The following DNAH8 variants were observed in gnomAD, a reference collection of about 807,000 sequenced individuals.
DNAH8 encodes the protein dynein axonemal heavy chain 8, also known as axonemal beta dynein heavy chain 8.
DNAH8 carries 382 observed loss-of-function variants against 562.1 expected under a neutral mutation model. The ratio of observed to expected loss-of-function variants is 0.68; its 90% CI spans 0.63 to 0.74. The LOEUF is 0.74. DNAH8 is among the 30% of genes least tolerant of loss of function. The pLI, the probability that DNAH8 is intolerant of heterozygous loss-of-function variation, is 0.00. For synonymous variants in DNAH8, 1,881 were observed against 1,919.4 expected (o/e 0.98, Z 0.52); for missense variants, 5,203 against 5,620.4 (o/e 0.93, Z 2.37).
At chr6:38,717,397 C>G (rs545443159) in intron 1 of DNAH8, among the ~76,000 whole-genome samples, 21 of 152,202 alleles carry the variant, frequency 1.4e-4, no homozygotes, top group African/African-American at 4.8e-4. Flanking sequence ...CATCTTGGCT[C>G]ACTGCAGCCT....
intron 88 of DNAH8, among the ~76,000 whole-genome samples, chr6:38,992,417 A>C (rs1463857606): frequency 6.6e-6 from 1 of 152,174 alleles, no homozygotes; most frequent in Non-Finnish European, 1.5e-5. Context: ...GTATTTGTTG[A>C]CTGATCAGTG....
intron 45 of DNAH8, among the ~76,000 whole-genome samples, chr6:38,864,836 G>A (rs878957511): frequency 3.9e-5 from 6 of 152,158 alleles, no homozygotes; most frequent in Admixed American, 6.5e-5. Flanking sequence ...GAGGCTCAGC[G>A]AGACTTAAAA....
intron 79 of DNAH8, among the ~76,000 whole-genome samples, chr6:38,939,650 G>A (rs1245286687): frequency 6.6e-6 from 1 of 152,208 alleles, no homozygotes; most frequent in African/African-American, 2.4e-5. Context: ...AGTCTAAAAG[G>A]AGGGAAAGAT....
chr6:38,812,622 G>A (rs12192779), intron 24 of DNAH8, among the ~76,000 whole-genome samples: 20,814 of 151,984 alleles, frequency 0.14, 1,923 homozygotes, highest in Non-Finnish European at 0.2. Context: ...ACTTGTATTT[G>A]TTTTGATGCT....
intron 1 of DNAH8, among the ~76,000 whole-genome samples, chr6:38,717,549 T>C (rs1762432150): frequency 6.6e-6 from 1 of 151,696 alleles, no homozygotes; most frequent in Non-Finnish European, 1.5e-5. Context: ...AGTCTCAAAC[T>C]CCTGAGCTTG....
At chr6:38,776,500 G>A (rs1430022141) in intron 13 of DNAH8, among the ~76,000 whole-genome samples, 1 of 152,190 alleles carries the variant, frequency 6.6e-6, no homozygotes, top group Non-Finnish European at 1.5e-5. Context: ...TTACAGGCAT[G>A]AGCCACTGCA....
At chr6:38,875,301 T>C (rs953445711) in intron 52 of DNAH8, among the ~76,000 whole-genome samples, 9 of 152,310 alleles carry the variant, frequency 5.9e-5, no homozygotes, top group Admixed American at 4.6e-4. Context: ...GGCCTTTTGC[T>C]TTCCCAGTAG....
intron 10 of DNAH8, among the ~76,000 whole-genome samples, chr6:38,759,883 GC>G (rs1468823674): frequency 2.0e-5 from 3 of 152,050 alleles, no homozygotes. Flanking sequence ...ATTCCTGCTT[GC>G]CCATGCTGTG....
chr6:38,811,311 G>C (rs1225826000), intron 24 of DNAH8, among the ~76,000 whole-genome samples: 1 of 152,180 alleles, frequency 6.6e-6, no homozygotes, highest in African/African-American at 2.4e-5. Flanking sequence ...GTCCAGATGA[G>C]GTGCCAGGAC....
At chr6:39,016,325 G>C (rs376294204) in intron 91 of DNAH8, among the ~76,000 whole-genome samples, 67 of 152,226 alleles carry the variant, frequency 4.4e-4, no homozygotes, top group African/African-American at 1.5e-3. Context: ...GCCGAGGCGG[G>C]CGGATCACGA....
At chr6:38,930,599 C>G (rs932585229) in intron 75 of DNAH8, among the ~76,000 whole-genome samples, 2 of 152,024 alleles carry the variant, frequency 1.3e-5, no homozygotes, top group African/African-American at 4.8e-5. Flanking sequence ...TAGCATCATT[C>G]TATAAGATTA....
chr6:38,786,794 C>T lies in DNAH8; in HGVS notation c.2425C>T (p.Pro809Ser). Residue 809 changes from proline (P) to serine (S), a missense_variant, in exon 18 of 93, where the codon CCA becomes TCA. Coordinates refer to ENST00000327475, the MANE Select transcript of DNAH8 (RefSeq NM_001206927.2). ...ALQATLFVRH[P>S]ETGKLLVNFD... Reference sequence around the variant, plus strand: ...ACAAGCCACGCTTTTTGTGCGACATCCAGAAACAGGGAAGTTGCTGGTTAA... The same window carrying T: ...ACAAGCCACGCTTTTTGTGCGACATTCAGAAACAGGGAAGTTGCTGGTTAA... 1 of 1,611,326 alleles carries T rather than the reference C, an allele frequency of 6.2e-7. No homozygotes were observed. The highest frequency in any genetic ancestry group is 8.5e-7 in the Non-Finnish European group (1 of 1,179,136).
chr6:38,898,185 G>A (rs1779827400), intron 60 of DNAH8, 73 bp from the exon 61 acceptor site: 2 of 1,317,436 alleles, frequency 1.5e-6, no homozygotes, highest in African/African-American at 1.5e-5. Context: ...ACTTTTGAGT[G>A]TCTTTACAAT....
At chr6:38,818,537 C>CAAA (rs70981590) in intron 26 of DNAH8, among the ~76,000 whole-genome samples, 14,016 of 75,572 alleles carry the variant, frequency 0.19, 1,415 homozygotes, top group Non-Finnish European at 0.23. Context: ...AAAGCAAAAG[C>CAAA]AAAAAAAAAA....
intron 91 of DNAH8, among the ~76,000 whole-genome samples, chr6:39,021,346 T>C (rs1458794999): frequency 6.6e-6 from 1 of 152,156 alleles, no homozygotes; most frequent in East Asian, 1.9e-4. Context: ...ATCCCCCTCC[T>C]CAGGTGATTC....
At chr6:38,921,597 T>C in intron 71 of DNAH8, 91 bp downstream of exon 71, 1 of 1,407,880 alleles carries the variant, frequency 7.1e-7, no homozygotes, top group Non-Finnish European at 9.5e-7. Context: ...ATGGTTGTGA[T>C]GAAAAAATAT....
chr6:38,726,872 T>A (rs1335556336), intron 3 of DNAH8, among the ~76,000 whole-genome samples: 3 of 148,240 alleles, frequency 2.0e-5, no homozygotes, highest in Non-Finnish European at 4.5e-5. Flanking sequence ...TTTTTTTTTT[T>A]TTTGAGACAG....
At chr6:39,017,316 G>C (rs1766630784) in intron 91 of DNAH8, among the ~76,000 whole-genome samples, 1 of 152,150 alleles carries the variant, frequency 6.6e-6, no homozygotes. Flanking sequence ...AGATTCTGGT[G>C]CATGAGCTTG....
chr6:38,815,555 TG>T lies in DNAH8; in HGVS notation c.3426del (p.Gln1143AsnfsTer19). On this transcript the variant is annotated frameshift_variant, in exon 26 of 93. Transcript: ENST00000327475. LOFTEE classifies it high-confidence loss of function. ...TLEVSRGVAH[W>X]GQQQIRPIKS... ...GGAGGTCAGCAGAGGAGTGGCTCAC[TG>T]GGGGCAACAGCAAATCCGTCCCATC... 6.2e-7 allele frequency: 1 copy of T among 1,614,046 alleles called. No homozygotes were observed. Among genetic ancestry groups the T allele is most frequent in the East Asian group, 2.2e-5 (1 of 44,866 alleles).
Sources: gnomAD v4.1 joint callset for allele counts (sites outside exome capture counted in the v4.1 genomes callset) on GRCh38, gnomAD v4.1.1 for gene constraint, MANE v1.5 for transcripts, NCBI Gene and HGNC (gene_info 2026-07-23, HGNC 2026-07-21) for gene names.